ITSN2: variants seen among roughly 807,000 people sequenced by gnomAD.
ITSN2 encodes intersectin-2.
In ITSN2, 156 loss-of-function variants were observed where a neutral mutation model predicts 243.7. The observed-to-expected ratio is 0.64, with a 90% CI of 0.56 to 0.73. The LOEUF (loss-of-function observed/expected upper bound fraction) is 0.73. Ranked by LOEUF, ITSN2 falls within the 30% of genes least tolerant of loss-of-function variation. ITSN2 has a pLI of 0.00. For missense variants in ITSN2, 1,801 were observed against 1,996.1 expected, an observed-to-expected ratio of 0.90 and a Z score of 1.86; for synonymous variants, 703 against 699.9, an observed-to-expected ratio of 1.00 and a Z score of -0.07.
In ITSN2 at chr2:24,301,960, C is replaced by A. The variant is rs756319497; in HGVS notation, c.995+5G>T. 1.2e-6 allele frequency: 2 copies of A among 1,605,704 alleles called. No homozygotes were observed. Reference sequence around the variant, plus strand: ...CCATAGTTCTCCACCTCCAGGCACACTCACCTGAAAGATGGAGGAACAAGC... The same window carrying A: ...CCATAGTTCTCCACCTCCAGGCACAATCACCTGAAAGATGGAGGAACAAGC... On this transcript the variant is annotated splice_donor_5th_base_variant and intron_variant, in intron 10 of 39. Coordinates refer to ENST00000355123, the MANE Select transcript of ITSN2 (RefSeq NM_006277.3).
chr2:24,247,690 T>A (rs1180559912), intron 27 of ITSN2, among the ~76,000 whole-genome samples: 2 of 152,024 alleles, frequency 1.3e-5, no homozygotes, highest in South Asian at 4.1e-4. Context: ...AGGCTCAGAG[T>A]TCTCGGAATA....
At chr2:24,326,936 CAG>C (rs1444119528) in intron 2 of ITSN2, among the ~76,000 whole-genome samples, 1 of 152,126 alleles carries the variant, frequency 6.6e-6, no homozygotes, top group African/African-American at 2.4e-5. Context: ...AATATCAAAA[CAG>C]AATTGCTTTG....
intron 1 of ITSN2, among the ~76,000 whole-genome samples, chr2:24,344,864 A>G (rs1319962279): frequency 2.0e-5 from 3 of 152,348 alleles, no homozygotes; most frequent in Non-Finnish European, 2.9e-5. Flanking sequence ...AGGCAGGACA[A>G]TCGCTTGAAT....
chr2:24,252,054 T>C (rs1353049505), intron 25 of ITSN2, among the ~76,000 whole-genome samples: 1 of 152,184 alleles, frequency 6.6e-6, no homozygotes, highest in Admixed American at 6.5e-5. Context: ...TGAATCCAGA[T>C]CTACTTCCTA....
chr2:24,210,703 A>C, intron 34 of ITSN2, 77 bp downstream of exon 34: 2 of 1,402,528 alleles, frequency 1.4e-6, no homozygotes, highest in South Asian at 2.5e-5. Context: ...CAGACTGTCC[A>C]CGTGAGGGAA....
chr2:24,261,643 T>C lies in ITSN2; in HGVS notation c.2455A>G (p.Ser819Gly), dbSNP rs753579835. 9.3e-6 allele frequency: 15 copies of C among 1,613,550 alleles called. No homozygotes were observed. The highest frequency in any genetic ancestry group is 1.3e-5 in the Non-Finnish European group (15 of 1,179,564). Residue 819 changes from serine to glycine, a missense_variant, in exon 21 of 40, where the codon AGT becomes GGT. By Grantham distance (56) the Ser-to-Gly change is moderately conservative (BLOSUM62 0). This residue lies in a region of ITSN2 where 928 missense variants were observed against 1,065.4 expected (regional missense o/e 0.87). Transcript: ENST00000355123. ...PCNYVEKMPS[S>G]ENEKAVSPKK... is the part of the protein sequence containing the mutation. The stretch of plus-strand genomic sequence containing the variant: ...GGAGATACAGCTTTTTCATTTTCAC[T>C]TGATGGCATTTTTTCTACATAATTG...
At chr2:24,336,671 A>G (rs1208255576) in intron 1 of ITSN2, among the ~76,000 whole-genome samples, 1 of 152,180 alleles carries the variant, frequency 6.6e-6, no homozygotes, top group Non-Finnish European at 1.5e-5. Flanking sequence ...AAAGACTTCT[A>G]TCCTCCCAGG....
chr2:24,302,348 G>A lies in ITSN2; in HGVS notation c.858-246C>T, dbSNP rs939443892. On this transcript the variant is annotated intron_variant, in intron 9 of 39. Transcript: ENST00000355123. Reference sequence around the variant, plus strand: ...CGAGTAGCTGGGACTACAGGCGCCCGCCACCACGCCTGGCTAATTTTTTGT... The same window carrying A: ...CGAGTAGCTGGGACTACAGGCGCCCACCACCACGCCTGGCTAATTTTTTGT... 2.6e-5 allele frequency among the ~76,000 whole-genome samples: 4 copies of A among 151,942 alleles called. No homozygotes were observed. In the East Asian group the frequency reaches 5.8e-4, roughly 22 times the overall value.
intron 24 of ITSN2, among the ~76,000 whole-genome samples, chr2:24,253,501 G>A (rs1674622831): frequency 6.6e-6 from 1 of 152,152 alleles, no homozygotes; most frequent in South Asian, 2.1e-4. Context: ...CCTCTGTCTA[G>A]AAGTGCATTC....
At position 24,300,179 on chromosome 2, in the gene ITSN2, A is replaced by C. The variant is rs1225614369; in HGVS notation, c.1082-8T>G. On this transcript the variant is annotated splice_polypyrimidine_tract_variant and splice_region_variant and intron_variant, in intron 11 of 39. Transcript: ENST00000355123. The stretch of plus-strand genomic sequence containing the variant: ...GTTTGTCCTCAAAAGTAACTGAACA[A>C]GGTATGCCTATCAGCATCCACACAC... The C allele has an allele frequency of 6.2e-7, 1 of 1,613,874 alleles. No homozygotes were observed. The highest frequency in any genetic ancestry group is 1.1e-5 in the South Asian group (1 of 91,052).
chr2:24,245,405 G>C (rs765667867), intron 29 of ITSN2, among the ~76,000 whole-genome samples: 2 of 151,892 alleles, frequency 1.3e-5, no homozygotes, highest in Non-Finnish European at 2.9e-5. Context: ...TAAATGAGAA[G>C]GTTAGAAATG....
chr2:24,355,616 A>C (rs1385685663), intron 1 of ITSN2, among the ~76,000 whole-genome samples: 1 of 152,266 alleles, frequency 6.6e-6, no homozygotes, highest in Non-Finnish European at 1.5e-5. Flanking sequence ...ATAAAATCCA[A>C]AACCATAAAA....
intron 1 of ITSN2, among the ~76,000 whole-genome samples, chr2:24,350,135 A>G (rs765972718): frequency 7.9e-5 from 12 of 152,232 alleles, no homozygotes; most frequent in Non-Finnish European, 1.3e-4. Flanking sequence ...TAATACATAA[A>G]TATCAGAGGT....
intron 17 of ITSN2, among the ~76,000 whole-genome samples, chr2:24,282,135 G>A (rs1678863524): frequency 6.6e-6 from 1 of 152,282 alleles, no homozygotes; most frequent in Non-Finnish European, 1.5e-5. Context: ...GGCCTGCCAC[G>A]CCACCATCCT....
At chr2:24,306,385 AACC>A (rs1682540846) in intron 8 of ITSN2, among the ~76,000 whole-genome samples, 1 of 152,174 alleles carries the variant, frequency 6.6e-6, no homozygotes, top group Admixed American at 6.5e-5. Flanking sequence ...CCCACACAGT[AACC>A]ACATTATTCT....
chr2:24,295,141 A>G (rs931460307), intron 14 of ITSN2, among the ~76,000 whole-genome samples: 3 of 152,228 alleles, frequency 2.0e-5, no homozygotes, highest in Non-Finnish European at 4.4e-5. Flanking sequence ...ATAAATGTCC[A>G]CTTACGTATA....
chr2:24,284,780 G>T lies in ITSN2; in HGVS notation c.1927C>A (p.Leu643Ile). The change falls in exon 17 of 40, where the codon CTC becomes ATC. Residue 643 changes from leucine (L) to isoleucine (I), a missense_variant. Around this residue, in one of 5 missense-constraint regions of ITSN2, gnomAD observed 787 missense variants for 803.9 expected, o/e 0.98. Coordinates refer to ENST00000355123, the MANE Select transcript of ITSN2 (RefSeq NM_006277.3). The part of the protein sequence containing the change: ...LLSLLSCLNN[L>I]FLLLKELRET... The stretch of plus-strand genomic sequence containing the variant: ...AAAATAACCTTAAGTAAGAGGAAGA[G>T]GTTGTTGAGACAGCTTAGCAGAGAC... The T allele has an allele frequency of 6.3e-7, 1 of 1,595,340 alleles. No individual in the cohort carries two copies. The highest frequency in any genetic ancestry group is 8.6e-7 in the Non-Finnish European group (1 of 1,163,400).
chr2:24,337,323 T>TATATATAC lies in ITSN2; in HGVS notation c.-33-9209_-33-9208insGTATATAT, dbSNP rs745459301. On this transcript the variant is annotated intron_variant, in intron 1 of 39. Transcript: ENST00000355123. ...TGTGTGTGTATACACAAAATATATA[T>TATATATAC]ATATATATATATATATATATATATA... Among the ~76,000 whole-genome samples the TATATATAC allele has an allele frequency of 9.5e-3, 849 of 89,376 alleles. 131 individuals carry two copies. Among genetic ancestry groups the TATATATAC allele is most frequent in the African/African-American group, 0.011 (231 of 21,164 alleles). The allele number at this position is 89,376 out of a possible 152,430, so 58.6% of individuals were successfully genotyped here. A position where few individuals can be genotyped will look rare whatever the true frequency, so the allele number is the denominator to read the frequency against.
chr2:24,302,096 C>T lies in ITSN2; in HGVS notation c.864G>A (p.Leu288=), dbSNP rs572602255. 5.2e-5 allele frequency: 84 copies of T among 1,603,092 alleles called. No individual in the cohort carries two copies. The African/African-American group carries it at 7.8e-4, about 15-fold the overall frequency. ...SQTQLATIWT[L]ADVDGDGQLK... ...GCTGTCCATCACCATCAACGTCAGCCAGAGTCCTAAAGAAAATGTTAAAAT... is the reference window on the plus strand; with the variant it reads ...GCTGTCCATCACCATCAACGTCAGCTAGAGTCCTAAAGAAAATGTTAAAAT... The change falls in exon 10 of 40, where the codon CTG becomes CTA. Residue 288 remains leucine, a synonymous_variant. Transcript: ENST00000355123.
Sources: allele counts gnomAD v4.1 joint callset (sites outside exome capture counted in the v4.1 genomes callset), GRCh38; gene constraint gnomAD v4.1.1; regional missense constraint gnomAD v4.1.1; transcripts MANE v1.5; gene names NCBI Gene and HGNC (gene_info 2026-07-23, HGNC 2026-07-21).